PTPRD: variants seen among roughly 807,000 people sequenced by gnomAD.
The protein encoded by PTPRD is receptor-type tyrosine-protein phosphatase delta.
A neutral mutation model predicts 214.5 loss-of-function variants in PTPRD; 34 were observed. The ratio of observed to expected loss-of-function variants is 0.16; its 90% CI spans 0.12 to 0.21. The LOEUF is 0.21. Among genes scored for constraint, PTPRD ranks in the 10% least tolerant of loss-of-function variants. The pLI, the probability that PTPRD is intolerant of heterozygous loss-of-function variation, is 1.00. For missense variants in PTPRD, 2,545 were observed against 2,398.7 expected, an observed-to-expected ratio of 1.06 and a Z score of -1.27; for synonymous variants, 1,128 against 845.7, an observed-to-expected ratio of 1.33 and a Z score of -5.79.
intron 35 of PTPRD, among the ~76,000 whole-genome samples, chr9:8,408,229 T>G (rs2093198683): frequency 6.6e-6 from 1 of 152,272 alleles, no homozygotes; most frequent in South Asian, 2.1e-4. Context: ...ACCATGCATC[T>G]TTTTTACTAT....
intron 36 of PTPRD, among the ~76,000 whole-genome samples, chr9:8,397,918 G>T (rs1437480003): frequency 6.6e-6 from 1 of 152,020 alleles, no homozygotes; most frequent in African/African-American, 2.4e-5. Context: ...AACAGCAGAT[G>T]ATATATATTT....
intron 9 of PTPRD, among the ~76,000 whole-genome samples, chr9:9,221,994 T>C (rs1047636939): frequency 1.3e-5 from 2 of 152,082 alleles, no homozygotes; most frequent in Non-Finnish European, 2.9e-5. Flanking sequence ...AAAGTTTAAA[T>C]CAATCAATGT....
intron 39 of PTPRD, among the ~76,000 whole-genome samples, chr9:8,363,171 T>C (rs577237192): frequency 4.1e-4 from 63 of 152,212 alleles, no homozygotes; most frequent in Admixed American, 2.3e-3. Flanking sequence ...AGGCTTACCA[T>C]TGTGACCATT....
At chr9:9,789,696 C>T (rs1165674052) in intron 5 of PTPRD, among the ~76,000 whole-genome samples, 2 of 141,876 alleles carry the variant, frequency 1.4e-5, no homozygotes, top group East Asian at 2.1e-4. Context: ...ACACAGGAGG[C>T]TGAGGAAGGA....
At chr9:9,142,147 G>A (rs1483856110) in intron 10 of PTPRD, among the ~76,000 whole-genome samples, 1 of 152,218 alleles carries the variant, frequency 6.6e-6, no homozygotes, top group Non-Finnish European at 1.5e-5. Context: ...GTGGACAGGT[G>A]CTCTTTGAAT....
chr9:9,163,244 T>C (rs970297237), intron 10 of PTPRD, among the ~76,000 whole-genome samples: 19 of 152,128 alleles, frequency 1.2e-4, no homozygotes, highest in Admixed American at 1.3e-4. Flanking sequence ...CCTGGGATAC[T>C]TGCCTAGATA....
intron 11 of PTPRD, among the ~76,000 whole-genome samples, chr9:8,878,630 C>T (rs989401526): frequency 6.6e-6 from 1 of 152,124 alleles, no homozygotes; most frequent in Non-Finnish European, 1.5e-5. Context: ...CAGGCTCAAG[C>T]AGTCCTCCCA....
chr9:10,049,153 A>G (rs1208783509), intron 3 of PTPRD, among the ~76,000 whole-genome samples: 1 of 152,172 alleles, frequency 6.6e-6, no homozygotes, highest in East Asian at 1.9e-4. Context: ...GCAGACACTG[A>G]TACCACTTCA....
chr9:10,459,547 T>A lies in PTPRD; in HGVS notation c.-599-118530A>T, dbSNP rs570539688. ...GTAAAAGCATTCCTACTTCTCCACA[T>A]CCTCTCCAGCATCTGTTGTTTCCTG... On this transcript the variant is annotated intron_variant, in intron 2 of 45. Transcript: ENST00000381196. Among the ~76,000 whole-genome samples, 123 of 152,268 alleles carry A rather than the reference T, an allele frequency of 8.1e-4. 1 individual carries two copies. The highest frequency in any genetic ancestry group is 3.9e-3 in the Admixed American group (60 of 15,286).
At chr9:9,162,023 G>C (rs942969354) in intron 10 of PTPRD, among the ~76,000 whole-genome samples, 3 of 151,984 alleles carry the variant, frequency 2.0e-5, no homozygotes, top group Admixed American at 6.6e-5. Flanking sequence ...AAGGGATTCA[G>C]CATTTTCAAA....
At chr9:9,170,992 T>C (rs562875747) in intron 10 of PTPRD, among the ~76,000 whole-genome samples, 18 of 152,252 alleles carry the variant, frequency 1.2e-4, no homozygotes, top group African/African-American at 4.3e-4. Context: ...CTCCTCTACA[T>C]CATAGGCCCA....
chr9:8,759,429 G>T (rs1462214000), intron 11 of PTPRD, among the ~76,000 whole-genome samples: 1 of 151,992 alleles, frequency 6.6e-6, no homozygotes, highest in Non-Finnish European at 1.5e-5. Context: ...TCTGTTCTCT[G>T]CTCTCTCTTG....
intron 2 of PTPRD, among the ~76,000 whole-genome samples, chr9:10,599,576 T>C (rs749896465): frequency 1.1e-4 from 17 of 151,746 alleles, no homozygotes; most frequent in Admixed American, 6.6e-5. Flanking sequence ...TGGGCATAAA[T>C]AAACAAATAG....
chr9:9,876,165 A>G (rs16930468), intron 5 of PTPRD, among the ~76,000 whole-genome samples: 8,964 of 152,218 alleles, frequency 0.059, 831 homozygotes, highest in African/African-American at 0.2. Flanking sequence ...CTGAGTTCCA[A>G]TGGTGAGTCA....
chr9:8,918,658 T>G (rs2098804330), intron 11 of PTPRD, among the ~76,000 whole-genome samples: 1 of 152,210 alleles, frequency 6.6e-6, no homozygotes, highest in South Asian at 2.1e-4. Context: ...CTTCTCTGGA[T>G]GCATAAAAGG....
chr9:9,262,597 A>G (rs1283649161), intron 9 of PTPRD, among the ~76,000 whole-genome samples: 1 of 150,520 alleles, frequency 6.6e-6, no homozygotes, highest in South Asian at 2.1e-4. Flanking sequence ...ATAAATGAGT[A>G]AAAAAAAATG....
At chr9:9,684,504 G>C (rs1444343293) in intron 7 of PTPRD, among the ~76,000 whole-genome samples, 1 of 151,654 alleles carries the variant, frequency 6.6e-6, no homozygotes, top group African/African-American at 2.4e-5. Flanking sequence ...TTCAAAGAAA[G>C]ACTCTACCTA....
At chr9:10,199,326 G>A (rs997820609) in intron 3 of PTPRD, among the ~76,000 whole-genome samples, 2 of 151,866 alleles carry the variant, frequency 1.3e-5, no homozygotes, top group East Asian at 1.9e-4. Context: ...TTGACTATTC[G>A]TACTCCTACA....
At chr9:8,854,777 T>C (rs1213429726) in intron 11 of PTPRD, among the ~76,000 whole-genome samples, 1 of 152,204 alleles carries the variant, frequency 6.6e-6, no homozygotes, top group Non-Finnish European at 1.5e-5. Context: ...ACAAAGCTAC[T>C]TTAATCACAT....
Sources: gnomAD v4.1 joint callset for allele counts (sites outside exome capture counted in the v4.1 genomes callset) on GRCh38, gnomAD v4.1.1 for gene constraint, MANE v1.5 for transcripts, NCBI Gene and HGNC (gene_info 2026-07-23, HGNC 2026-07-21) for gene names.